The following PYCARD variants were observed in gnomAD, a reference collection of about 807,000 sequenced individuals.
PYCARD encodes apoptosis-associated speck-like protein containing a CARD.
Under a neutral mutation model 10.0 loss-of-function variants are expected in PYCARD, and 10 were observed. That is an observed-to-expected ratio of 1.00 (90% confidence interval 0.62 to 1.69). PYCARD has a LOEUF of 1.69. PYCARD is among the 40% of genes most tolerant of loss of function. The probability of loss-of-function intolerance (pLI) is 0.00; values close to 1 mark genes in which losing one functional copy is unlikely to be tolerated. For missense variants in PYCARD, 239 were observed against 260.2 expected, an observed-to-expected ratio of 0.92 and a Z score of 0.56; for synonymous variants, 121 against 122.3, an observed-to-expected ratio of 0.99 and a Z score of 0.07.
Position 31,202,674 on chromosome 16 carries a change from TCG to T in PYCARD, c.15_16del (p.Asp6ArgfsTer65), listed in dbSNP as rs1163235523. The T allele has an allele frequency of 5.0e-6, 8 of 1,585,546 alleles. No homozygotes were observed. Among genetic ancestry groups the T allele is most frequent in the African/African-American group, 1.3e-5 (1 of 74,456 alleles). ...GTTCTCCAGCGCATCCAGGATGGCGTCGCGCGCGCGCCCCATGGCTCCAGGAT... is the reference window on the plus strand; with the variant it reads ...GTTCTCCAGCGCATCCAGGATGGCGTCGCGCGCGCCCCATGGCTCCAGGAT... On this transcript the variant is annotated frameshift_variant, in exon 1 of 3. Coordinates refer to ENST00000247470, the MANE Select transcript of PYCARD (RefSeq NM_013258.5). LOFTEE classifies it high-confidence loss of function. The surrounding 1 kb of genome is among the most constrained non-coding windows in gnomAD (Gnocchi z 4.5).
chr16:31,202,069 G>T lies in PYCARD; in HGVS notation c.331+78C>A. ...TGCCAAGCCGTGCCTGCCCTGCCCT[G>T]CCCTGCCCTGGTTGCGGGAGCACAG... On this transcript the variant is annotated intron_variant, in intron 2 of 2. Coordinates refer to ENST00000247470, the MANE Select transcript of PYCARD (RefSeq NM_013258.5). The surrounding 1 kb of genome is among the most constrained non-coding windows in gnomAD (Gnocchi z 4.5). 6.5e-7 allele frequency: 1 copy of T among 1,544,746 alleles called. No individual in the cohort carries two copies.
rs758894522 is a variant in PYCARD at position 31,202,161 on chromosome 16, G to T, written c.317C>A (p.Ser106Ter). The stretch of plus-strand genomic sequence containing the variant: ...GGAGGCCTCACCTGGCTTGGCTGCC[G>T]ACTGAGGAGGGGCCTGGATCCCAGC... ...APAGIQAPPQ[S>*]AAKPGLHFID... is the part of the protein sequence containing the mutation. The change falls in exon 2 of 3, where the codon TCG (serine) becomes TAG (stop). Residue 106 changes from serine (S) to a stop codon, truncating the protein, a stop_gained. Coordinates refer to ENST00000247470, the MANE Select transcript of PYCARD (RefSeq NM_013258.5). LOFTEE classifies it low-confidence loss of function (END_TRUNC). The surrounding 1 kb of genome is among the most constrained non-coding windows in gnomAD (Gnocchi z 4.5). The T allele has an allele frequency of 6.2e-7, 1 of 1,607,356 alleles. No homozygotes were observed. The highest frequency in any genetic ancestry group is 1.3e-5 in the African/African-American group (1 of 75,030).
In PYCARD at chr16:31,202,306, A is replaced by G. The variant is rs775332452; in HGVS notation, c.275-103T>C. The G allele has an allele frequency of 6.5e-7, 1 of 1,543,680 alleles. No homozygotes were observed. Among genetic ancestry groups the G allele is most frequent in the South Asian group, 1.2e-5 (1 of 84,958 alleles). ...AAGCGTGGGGAGCCTCCTTTCCGGT[A>G]GAGCAGCTTTGTTTAGGGGTAGGAG... is the stretch of plus-strand genomic sequence containing the variant. On this transcript the variant is annotated intron_variant, in intron 1 of 2. Coordinates refer to ENST00000247470, the MANE Select transcript of PYCARD (RefSeq NM_013258.5). This position sits in a 1 kb window ranked among gnomAD's most constrained non-coding sequence, Gnocchi z 4.5.
Position 31,202,172 on chromosome 16 carries a change from G to T in PYCARD, c.306C>A (p.Ala102=). The change falls in exon 2 of 3, where the codon GCC becomes GCA. Residue 102 remains alanine, a synonymous_variant. Transcript: ENST00000247470. This position sits in a 1 kb window ranked among gnomAD's most constrained non-coding sequence, Gnocchi z 4.5. ...GSGAAPAGIQ[A]PPQSAAKPGL... Reference sequence around the variant, plus strand: ...CTGGCTTGGCTGCCGACTGAGGAGGGGCCTGGATCCCAGCTGGCGCGGCTC... The same window carrying T: ...CTGGCTTGGCTGCCGACTGAGGAGGTGCCTGGATCCCAGCTGGCGCGGCTC... 1 of 1,607,030 alleles carries T rather than the reference G, an allele frequency of 6.2e-7. No individual in the cohort carries two copies. Among genetic ancestry groups the T allele is most frequent in the Non-Finnish European group, 8.5e-7 (1 of 1,179,766 alleles).
rs574943389 is a variant in PYCARD at position 31,201,820 on chromosome 16, T to C, written c.353A>G (p.His118Arg). The change falls in exon 3 of 3, where the codon CAC becomes CGC. Residue 118 changes from histidine (H) to arginine (R), a missense_variant. Transcript: ENST00000247470. Reference sequence around the variant, plus strand: ...GACCCTCGCGATAAGCGCAGCCCGGTGCTGGTCTATAAAGTGCAGGCCTGG... The same window carrying C: ...GACCCTCGCGATAAGCGCAGCCCGGCGCTGGTCTATAAAGTGCAGGCCTGG... ...AKPGLHFIDQ[H>R]RAALIARVTN... The C allele has an allele frequency of 6.2e-7, 1 of 1,614,132 alleles. No individual in the cohort carries two copies. Among genetic ancestry groups the C allele is most frequent in the African/African-American group, 1.3e-5 (1 of 75,050 alleles).
Position 31,201,831 on chromosome 16 carries a change from A to G in PYCARD, c.342T>C (p.Phe114=), listed in dbSNP as rs75471387. 339 of 1,614,038 alleles carry G rather than the reference A, an allele frequency of 2.1e-4. 1 individual carries two copies. In the African/African-American group the frequency reaches 3.8e-3, roughly 18 times the overall value. ...PQSAAKPGLH[F]IDQHRAALIA... Reference sequence around the variant, plus strand: ...TAAGCGCAGCCCGGTGCTGGTCTATAAAGTGCAGGCCTGGGGGTGGGAGGA... The same window carrying G: ...TAAGCGCAGCCCGGTGCTGGTCTATGAAGTGCAGGCCTGGGGGTGGGAGGA... The change falls in exon 3 of 3, where the codon TTT becomes TTC. Residue 114 remains phenylalanine, a synonymous_variant. Transcript: ENST00000247470.
rs2079448809 is a variant in PYCARD at position 31,202,231 on chromosome 16, C to T, written c.275-28G>A. On this transcript the variant is annotated intron_variant, in intron 1 of 2. Transcript: ENST00000247470. The surrounding 1 kb of genome is among the most constrained non-coding windows in gnomAD (Gnocchi z 4.5). ...GGAAGGATATGGGCCAAGTGATCCC[C>T]TTCCCTTCCCTTCCCGCCGTGGGGC... is the stretch of plus-strand genomic sequence containing the variant. 5 of 1,594,646 alleles carry T rather than the reference C, an allele frequency of 3.1e-6. No individual in the cohort carries two copies. The highest frequency in any genetic ancestry group is 1.3e-5 in the African/African-American group (1 of 74,848).
intron 2 of PYCARD, 115 bp from the exon 3 acceptor site, chr16:31,201,956 C>A: frequency 6.7e-7 from 1 of 1,500,920 alleles, no homozygotes; most frequent in Non-Finnish European, 8.9e-7. Flanking sequence ...CAGGGGGCGG[C>A]CACCAGGACC....
In PYCARD at chr16:31,202,293, C is replaced by G. The variant is rs1489884219; in HGVS notation, c.275-90G>C. ...TGGTCGGTAGGCCAAGCGTGGGGAGCCTCCTTTCCGGTAGAGCAGCTTTGT... is the reference window on the plus strand; with the variant it reads ...TGGTCGGTAGGCCAAGCGTGGGGAGGCTCCTTTCCGGTAGAGCAGCTTTGT... On this transcript the variant is annotated intron_variant, in intron 1 of 2. Coordinates refer to ENST00000247470, the MANE Select transcript of PYCARD (RefSeq NM_013258.5). The surrounding 1 kb of genome is among the most constrained non-coding windows in gnomAD (Gnocchi z 4.5). 1.9e-6 allele frequency: 3 copies of G among 1,553,524 alleles called. No individual in the cohort carries two copies. The highest frequency in any genetic ancestry group is 2.6e-6 in the Non-Finnish European group (3 of 1,155,734).
In PYCARD at chr16:31,202,224, T is replaced by G; in HGVS notation, c.275-21A>C. 1.0e-5 allele frequency: 16 copies of G among 1,601,024 alleles called. No homozygotes were observed. The highest frequency in any genetic ancestry group is 1.4e-5 in the Non-Finnish European group (16 of 1,179,450). ...AGAGCCTGGAAGGATATGGGCCAAG[T>G]GATCCCCTTCCCTTCCCTTCCCGCC... On this transcript the variant is annotated intron_variant, in intron 1 of 2. Transcript: ENST00000247470. The surrounding 1 kb of genome is among the most constrained non-coding windows in gnomAD (Gnocchi z 4.5).
chr16:31,202,217 G>A lies in PYCARD; in HGVS notation c.275-14C>T, dbSNP rs771896630. The A allele has an allele frequency of 4.4e-6, 7 of 1,602,210 alleles. No homozygotes were observed. The South Asian group carries it at 7.7e-5, about 18-fold the overall frequency. ...CGGCTCCAGAGCCTGGAAGGATATG[G>A]GCCAAGTGATCCCCTTCCCTTCCCT... On this transcript the variant is annotated splice_polypyrimidine_tract_variant and intron_variant, in intron 1 of 2. Coordinates refer to ENST00000247470, the MANE Select transcript of PYCARD (RefSeq NM_013258.5). The surrounding 1 kb of genome is among the most constrained non-coding windows in gnomAD (Gnocchi z 4.5).
rs1444651871 is a variant in PYCARD at position 31,202,187 on chromosome 16, T to G, written c.291A>C (p.Pro97=). Residue 97 remains proline (P), a synonymous_variant, in exon 2 of 3, where the codon CCA becomes CCC. Coordinates refer to ENST00000247470, the MANE Select transcript of PYCARD (RefSeq NM_013258.5). This position sits in a 1 kb window ranked among gnomAD's most constrained non-coding sequence, Gnocchi z 4.5. ...ACTGAGGAGGGGCCTGGATCCCAGC[T>G]GGCGCGGCTCCAGAGCCTGGAAGGA... ...AATHQGSGAA[P]AGIQAPPQSA... is the part of the protein sequence containing the mutation. 6.2e-7 allele frequency: 1 copy of G among 1,605,578 alleles called. No individual in the cohort carries two copies. Among genetic ancestry groups the G allele is most frequent in the African/African-American group, 1.3e-5 (1 of 74,930 alleles).
chr16:31,201,997 C>A, intron 2 of PYCARD, 150 bp downstream of exon 2: 1 of 1,446,848 alleles, frequency 6.9e-7, no homozygotes, highest in Non-Finnish European at 9.2e-7. Context: ...GTAATATTGT[C>A]TCCCTTCCCC....
rs200652706 is a variant in PYCARD at position 31,201,600 on chromosome 16, G to C, written c.573C>G (p.Asp191Glu). The C allele has an allele frequency of 2.5e-6, 4 of 1,613,582 alleles. No homozygotes were observed. The South Asian group carries it at 4.4e-5, about 18-fold the overall frequency. Residue 191 changes from aspartate (D) to glutamate (E), a missense_variant, in exon 3 of 3, where the codon GAC becomes GAG. Transcript: ENST00000247470. Reference sequence around the variant, plus strand: ...GGAAGGAGCCTCAGCTCCGCTCCAGGTCCTCCACCAGGTAGGACTGGGACT... The same window carrying C: ...GGAAGGAGCCTCAGCTCCGCTCCAGCTCCTCCACCAGGTAGGACTGGGACT... Reference protein sequence around the residue: ...LRESQSYLVEDLERS With the variant: ...LRESQSYLVEELERS
At position 31,202,229 on chromosome 16, in the gene PYCARD, C is replaced by T; in HGVS notation, c.275-26G>A. The T allele has an allele frequency of 1.3e-6, 2 of 1,594,538 alleles. No individual in the cohort carries two copies. ...CTGGAAGGATATGGGCCAAGTGATC[C>T]CCTTCCCTTCCCTTCCCGCCGTGGG... is the stretch of plus-strand genomic sequence containing the variant. On this transcript the variant is annotated intron_variant, in intron 1 of 2. Transcript: ENST00000247470. This position sits in a 1 kb window ranked among gnomAD's most constrained non-coding sequence, Gnocchi z 4.5.
Position 31,201,523 on chromosome 16 carries a change from C to T in PYCARD, c.*62G>A. On this transcript the variant is annotated 3_prime_UTR_variant, in exon 3 of 3. Coordinates refer to ENST00000247470, the MANE Select transcript of PYCARD (RefSeq NM_013258.5). ...TTTCGTATATTGTGTATAAAAAGAT[C>T]AGATTCAGGATGATTTGGTGGGATT... The T allele has an allele frequency of 6.4e-7, 1 of 1,572,082 alleles. No individual in the cohort carries two copies. Among genetic ancestry groups the T allele is most frequent in the Non-Finnish European group, 8.6e-7 (1 of 1,159,140 alleles).
At position 31,201,770 on chromosome 16, in the gene PYCARD, C is replaced by A; in HGVS notation, c.403G>T (p.Ala135Ser). Residue 135 changes from alanine to serine, a missense_variant, in exon 3 of 3, where the codon GCT becomes TCT. By Grantham distance (99) the Ala-to-Ser change is moderately conservative (BLOSUM62 1). Transcript: ENST00000247470. ...TCCGTCAGGACCTTCCCGTACAGAG[C>A]ATCCAGCAGCCACTCAACGTTTGTG... is the stretch of plus-strand genomic sequence containing the variant. ...RVTNVEWLLDALYGKVLTDEQ... is the reference protein window; with the variant it reads ...RVTNVEWLLDSLYGKVLTDEQ... 1.2e-6 allele frequency: 2 copies of A among 1,614,236 alleles called. No homozygotes were observed. The highest frequency in any genetic ancestry group is 1.7e-6 in the Non-Finnish European group (2 of 1,180,046).
In PYCARD at chr16:31,202,555, A is replaced by G; in HGVS notation, c.136T>C (p.Ser46Pro). 6.2e-7 allele frequency: 1 copy of G among 1,612,742 alleles called. No individual in the cohort carries two copies. The highest frequency in any genetic ancestry group is 8.5e-7 in the Non-Finnish European group (1 of 1,179,752). The change falls in exon 1 of 3, where the codon TCC (serine) becomes CCC (proline). Residue 46 changes from serine to proline, a missense_variant. Transcript: ENST00000247470. This position sits in a 1 kb window ranked among gnomAD's most constrained non-coding sequence, Gnocchi z 4.5. ...TCGGTGAGGTCCAAGGCGTCCATGG[A>G]CAGCAGCGCGCCCCGCGGGATGCGC... ...YGRIPRGALL[S>P]MDALDLTDKL...
At chr16:31,201,879 T>C (rs1338509862) in intron 2 of PYCARD, 38 bp from the exon 3 acceptor site, 2 of 1,607,188 alleles carry the variant, frequency 1.2e-6, no homozygotes, top group Admixed American at 3.3e-5. Flanking sequence ...GCAGCCAGGG[T>C]GTGGGGCCTG....
Sources: gnomAD v4.1 joint callset for allele counts on GRCh38, gnomAD v4.1.1 for gene constraint, Gnocchi (gnomAD v3.1) non-coding constraint, MANE v1.5 for transcripts, NCBI Gene and HGNC (gene_info 2026-07-23, HGNC 2026-07-21) for gene names.